Variants in DEPTOR observed in about 807,000 individuals in gnomAD.
DEPTOR encodes the protein DEP domain containing MTOR interacting protein.
DEPTOR carries 41 observed loss-of-function variants against 41.6 expected under a neutral mutation model. The observed-to-expected ratio is 0.98, with a 90% CI of 0.77 to 1.28. The LOEUF is 1.28. DEPTOR is among the 50% of genes most tolerant of loss of function. The probability of loss-of-function intolerance (pLI) is 0.00; values close to 1 mark genes in which losing one functional copy is unlikely to be tolerated. For missense variants in DEPTOR, 514 were observed against 527.9 expected, an observed-to-expected ratio of 0.97 and a Z score of 0.26; for synonymous variants, 195 against 192.3, an observed-to-expected ratio of 1.01 and a Z score of -0.12.
At position 119,873,845 on chromosome 8, in the gene DEPTOR, C is replaced by T. The variant is rs761862480; in HGVS notation, c.-2C>T. The stretch of plus-strand genomic sequence containing the variant: ...CAGTGGTAGCCGCACGGCCCTAAAA[C>T]CATGGAGGAGGGCGGCAGCACTGGC... On this transcript the variant is annotated 5_prime_UTR_variant, in exon 1 of 9. Coordinates refer to ENST00000286234, the MANE Select transcript of DEPTOR (RefSeq NM_022783.4). 7 of 1,612,858 alleles carry T rather than the reference C, an allele frequency of 4.3e-6. No individual in the cohort carries two copies. Among genetic ancestry groups the T allele is most frequent in the Non-Finnish European group, 5.9e-6 (7 of 1,179,526 alleles).
chr8:119,985,403 GT>G (rs985300231), intron 4 of DEPTOR, among the ~76,000 whole-genome samples: 4 of 151,908 alleles, frequency 2.6e-5, no homozygotes, highest in African/African-American at 9.7e-5. Flanking sequence ...CAATGGGATT[GT>G]TTTTTCTTGT....
intron 4 of DEPTOR, among the ~76,000 whole-genome samples, chr8:119,983,769 ATCT>A (rs35506915): frequency 0.37 from 55,688 of 151,494 alleles, 10,835 homozygotes; most frequent in East Asian, 0.56. Context: ...TTTTTCCTGC[ATCT>A]TCTTTTTTAA....
intron 8 of DEPTOR, among the ~76,000 whole-genome samples, chr8:120,016,726 A>G (rs1490670316): frequency 2.0e-5 from 3 of 151,516 alleles, no homozygotes; most frequent in African/African-American, 4.9e-5. Context: ...TCAGCCTTCA[A>G]TGTAGCTTGG....
rs143340738 is a variant in DEPTOR, at chr8:119,925,114, G to A, written c.123-3286G>A. On this transcript the variant is annotated intron_variant, in intron 1 of 8. Coordinates refer to ENST00000286234, the MANE Select transcript of DEPTOR (RefSeq NM_022783.4). ...CCATTTATAAAACCATCAAGGCTGA[G>A]TGTGGTGGCTCACGCCTGTAATCAC... Among the ~76,000 whole-genome samples, 9 of 152,336 alleles carry A rather than the reference G, an allele frequency of 5.9e-5. No individual in the cohort carries two copies. In the East Asian group the frequency reaches 1.7e-3, roughly 29 times the overall value.
At chr8:120,013,738 A>T (rs1812567027) in intron 8 of DEPTOR, among the ~76,000 whole-genome samples, 1 of 152,048 alleles carries the variant, frequency 6.6e-6, no homozygotes, top group African/African-American at 2.4e-5. Flanking sequence ...CCCTTTAGTC[A>T]GGGTTCTCAT....
At chr8:119,947,002 T>C (rs545498481) in intron 3 of DEPTOR, among the ~76,000 whole-genome samples, 2 of 152,302 alleles carry the variant, frequency 1.3e-5, no homozygotes, top group South Asian at 4.1e-4. Flanking sequence ...CGTGTGTGTA[T>C]GAACCTTGTA....
intron 3 of DEPTOR, among the ~76,000 whole-genome samples, chr8:119,948,343 T>A (rs1452758181): frequency 6.6e-6 from 1 of 152,080 alleles, no homozygotes; most frequent in Non-Finnish European, 1.5e-5. Context: ...ACCCAGGAGA[T>A]GGAGGCTGCA....
At chr8:119,954,176 C>A (rs1314622619) in intron 3 of DEPTOR, among the ~76,000 whole-genome samples, 1 of 151,034 alleles carries the variant, frequency 6.6e-6, no homozygotes, top group Non-Finnish European at 1.5e-5. Flanking sequence ...CAGGGTCTCA[C>A]TCTGTCATCC....
chr8:119,954,202 G>A (rs1238464727), intron 3 of DEPTOR, among the ~76,000 whole-genome samples: 1 of 151,354 alleles, frequency 6.6e-6, no homozygotes, highest in East Asian at 1.9e-4. Context: ...GGAGCACAGT[G>A]GTGCAATCAC....
chr8:119,897,227 T>C (rs908303414), intron 1 of DEPTOR, among the ~76,000 whole-genome samples: 1 of 152,124 alleles, frequency 6.6e-6, no homozygotes, highest in African/African-American at 2.4e-5. Flanking sequence ...CAGAATTTCA[T>C]GTAAGGATCA....
chr8:120,005,825 G>A (rs941776738), intron 6 of DEPTOR, among the ~76,000 whole-genome samples: 3 of 152,180 alleles, frequency 2.0e-5, no homozygotes, highest in Non-Finnish European at 4.4e-5. Flanking sequence ...ATCTTGGTGG[G>A]CAACAGCAGT....
chr8:119,934,371 C>G (rs531012403), intron 3 of DEPTOR, among the ~76,000 whole-genome samples: 50 of 152,286 alleles, frequency 3.3e-4, no homozygotes, highest in Admixed American at 1.6e-3. Flanking sequence ...TTTCAAGTTG[C>G]CCCAGTGTGA....
chr8:119,972,052 G>A (rs936931181), intron 4 of DEPTOR, among the ~76,000 whole-genome samples: 8 of 152,130 alleles, frequency 5.3e-5, no homozygotes, highest in Non-Finnish European at 1.0e-4. Flanking sequence ...CCCATAAGCC[G>A]GCCCTTCCGT....
intron 2 of DEPTOR, 125 bp downstream of exon 2, chr8:119,928,703 T>C (rs1828000050): frequency 9.9e-7 from 1 of 1,013,732 alleles, no homozygotes; most frequent in Non-Finnish European, 1.3e-6. Flanking sequence ...TCTCCCTGAT[T>C]GCATTTTCTT....
At chr8:119,976,313 A>G (rs1828696097) in intron 4 of DEPTOR, among the ~76,000 whole-genome samples, 1 of 152,288 alleles carries the variant, frequency 6.6e-6, no homozygotes, top group East Asian at 1.9e-4. Context: ...TTTTAAGGAT[A>G]GAGAAGTTGT....
At chr8:120,023,940 T>TA (rs1022276753) in intron 8 of DEPTOR, among the ~76,000 whole-genome samples, 3 of 152,034 alleles carry the variant, frequency 2.0e-5, no homozygotes, top group Non-Finnish European at 4.4e-5. Context: ...TGTCCTTTTT[T>TA]AAAAAACACA....
intron 4 of DEPTOR, among the ~76,000 whole-genome samples, chr8:119,996,160 G>C (rs1188273329): frequency 6.6e-6 from 1 of 152,086 alleles, no homozygotes; most frequent in Non-Finnish European, 1.5e-5. Context: ...TTTCAGGGAG[G>C]GTGGCTGCTC....
intron 8 of DEPTOR, among the ~76,000 whole-genome samples, chr8:120,027,962 G>A (rs779116694): frequency 6.6e-6 from 1 of 152,072 alleles, no homozygotes; most frequent in Middle Eastern, 3.2e-3. Flanking sequence ...GAAACTCCCA[G>A]GCAATTTTAA....
chr8:119,937,320 A>G (rs1181930715), intron 3 of DEPTOR, among the ~76,000 whole-genome samples: 1 of 151,922 alleles, frequency 6.6e-6, no homozygotes, highest in African/African-American at 2.4e-5. Flanking sequence ...GAATCGCTTG[A>G]ACCCGGGAGG....
Sources: allele counts gnomAD v4.1 joint callset (sites outside exome capture counted in the v4.1 genomes callset), GRCh38; gene constraint gnomAD v4.1.1; transcripts MANE v1.5; gene names NCBI Gene and HGNC (gene_info 2026-07-23, HGNC 2026-07-21).